CENPP: variants seen among roughly 807,000 people sequenced by gnomAD.
The protein encoded by CENPP is centromere protein P.
In CENPP, 24 loss-of-function variants were observed where a neutral mutation model predicts 35.6. That is an observed-to-expected ratio of 0.67 (90% CI 0.49 to 0.95). The LOEUF is 0.95. CENPP is among the 40% of genes least tolerant of loss of function. The pLI, the probability that CENPP is intolerant of heterozygous loss-of-function variation, is 0.00. For missense variants in CENPP, 332 were observed against 345.3 expected (o/e 0.96, Z 0.31); for synonymous variants, 120 against 125.5 (o/e 0.96, Z 0.29).
intron 5 of CENPP, among the ~76,000 whole-genome samples, chr9:92,549,035 T>A (rs796764558): frequency 3.3e-5 from 5 of 152,264 alleles, no homozygotes; most frequent in African/African-American, 9.6e-5. Flanking sequence ...TTGGTAGTGA[T>A]AGAAGGATAA....
intron 5 of CENPP, among the ~76,000 whole-genome samples, chr9:92,528,372 G>T (rs2094281): frequency 3.3e-5 from 5 of 151,518 alleles, no homozygotes; most frequent in Admixed American, 1.3e-4. Flanking sequence ...GGAAATCTGA[G>T]GACACCAAAG....
chr9:92,610,920 C>T (rs1358390026), intron 5 of CENPP: 11 of 227,528 alleles, frequency 4.8e-5, no homozygotes, highest in African/African-American at 9.3e-5. Flanking sequence ...AGCTGCTTTC[C>T]AGCAAAGAGC....
chr9:92,590,298 T>C (rs1000759473), intron 5 of CENPP, among the ~76,000 whole-genome samples: 3 of 152,258 alleles, frequency 2.0e-5, no homozygotes, highest in African/African-American at 7.2e-5. Context: ...TATAAGACAC[T>C]ATAAAACACA....
At chr9:92,418,311 T>G (rs1312921998) in intron 5 of CENPP, among the ~76,000 whole-genome samples, 1 of 151,712 alleles carries the variant, frequency 6.6e-6, no homozygotes, top group Non-Finnish European at 1.5e-5. Flanking sequence ...GGTCTCTAAC[T>G]CCTGACCTCA....
intron 5 of CENPP, chr9:92,465,063 T>C: frequency 2.1e-6 from 3 of 1,401,194 alleles, no homozygotes; most frequent in African/African-American, 1.4e-5. Flanking sequence ...TTAGCACACA[T>C]AGGTTGTATA....
At chr9:92,352,188 G>A (rs1468809399) in intron 4 of CENPP, among the ~76,000 whole-genome samples, 1 of 150,636 alleles carries the variant, frequency 6.6e-6, no homozygotes, top group African/African-American at 2.4e-5. Context: ...TGGCAAACAT[G>A]GAGAAACCCT....
chr9:92,544,562 G>A (rs1075397), intron 5 of CENPP, among the ~76,000 whole-genome samples: 65,166 of 151,110 alleles, frequency 0.43, 16,694 homozygotes, highest in African/African-American at 0.72. Context: ...TTTATCATGA[G>A]AGGGTGTTGA....
At chr9:92,383,528 C>T (rs1842317203) in intron 5 of CENPP, among the ~76,000 whole-genome samples, 1 of 151,702 alleles carries the variant, frequency 6.6e-6, no homozygotes, top group African/African-American at 2.4e-5. Flanking sequence ...TTATTAGTGT[C>T]AAGAATGAAA....
chr9:92,359,598 G>GAAAATGAAGGTGGGAAAAAAA (rs1431734218), intron 4 of CENPP, among the ~76,000 whole-genome samples: 1 of 152,070 alleles, frequency 6.6e-6, no homozygotes, highest in Non-Finnish European at 1.5e-5. Flanking sequence ...GGGAAATGAA[G>GAAAATGAAGGTGGGAAAAAAA]AAAATGAAGG....
Position 92,593,299 on chromosome 9 carries a change from C to T in CENPP, c.565-18015C>T, listed in dbSNP as rs1449483833. The stretch of plus-strand genomic sequence containing the variant: ...AGAAAAACAGACTTCTGACAGACCA[C>T]CGTGGCATCACACACAGGAGATACT... On this transcript the variant is annotated intron_variant, in intron 5 of 7. Coordinates refer to ENST00000375587, the MANE Select transcript of CENPP (RefSeq NM_001012267.3). The surrounding 1 kb of genome is among the most constrained non-coding windows in gnomAD (Gnocchi z 4.1). Among the ~76,000 whole-genome samples the T allele has an allele frequency of 1.3e-5, 2 of 152,222 alleles. No homozygotes were observed. The highest frequency in any genetic ancestry group is 2.9e-5 in the Non-Finnish European group (2 of 68,038).
At chr9:92,568,931 TG>T (rs1351791222) in intron 5 of CENPP, among the ~76,000 whole-genome samples, 2 of 152,240 alleles carry the variant, frequency 1.3e-5, no homozygotes, top group African/African-American at 4.8e-5. Context: ...TTGATGGGGT[TG>T]TTTTTTTCTT....
At chr9:92,581,507 C>A (rs1850424765) in intron 5 of CENPP, among the ~76,000 whole-genome samples, 1 of 152,144 alleles carries the variant, frequency 6.6e-6, no homozygotes, top group South Asian at 2.1e-4. Context: ...AAACTCTGAT[C>A]CTTCAACAGC....
intron 5 of CENPP, among the ~76,000 whole-genome samples, chr9:92,422,547 G>A (rs1843838885): frequency 6.6e-6 from 1 of 152,128 alleles, no homozygotes; most frequent in Admixed American, 6.5e-5. Context: ...TCTGCTTTCC[G>A]CCTTTGTGAG....
chr9:92,409,749 A>G (rs560436096), intron 5 of CENPP, among the ~76,000 whole-genome samples: 1 of 152,374 alleles, frequency 6.6e-6, no homozygotes, highest in South Asian at 2.1e-4. Flanking sequence ...ACTTGGTAGT[A>G]TAATGAGAAA....
At chr9:92,595,444 G>C (rs1426229016) in intron 5 of CENPP, among the ~76,000 whole-genome samples, 1 of 151,988 alleles carries the variant, frequency 6.6e-6, no homozygotes, top group African/African-American at 2.4e-5. Context: ...ATCTTACCTT[G>C]TTGCCCAAGC....
chr9:92,526,090 C>G (rs918009485), intron 5 of CENPP, among the ~76,000 whole-genome samples: 3 of 151,988 alleles, frequency 2.0e-5, no homozygotes, highest in African/African-American at 2.4e-5. Flanking sequence ...GGAGGTATTT[C>G]AGAAGAAGGC....
intron 5 of CENPP, among the ~76,000 whole-genome samples, chr9:92,572,514 T>C (rs1260064389): frequency 1.3e-5 from 2 of 152,184 alleles, no homozygotes; most frequent in African/African-American, 2.4e-5. Flanking sequence ...CTCTGGCTGC[T>C]CTTAACATTT....
chr9:92,526,777 TA>T (rs556343494), intron 5 of CENPP, among the ~76,000 whole-genome samples: 28 of 152,114 alleles, frequency 1.8e-4, no homozygotes, highest in South Asian at 8.3e-4. Flanking sequence ...ATTGAAGAAA[TA>T]AAAAAACTTT....
At chr9:92,572,178 T>C (rs555720621) in intron 5 of CENPP, among the ~76,000 whole-genome samples, 15 of 152,330 alleles carry the variant, frequency 9.8e-5, no homozygotes, top group African/African-American at 3.4e-4. Context: ...AGTTTCTTCC[T>C]AGCATTGATG....
Sources: gnomAD v4.1 joint callset for allele counts (sites outside exome capture counted in the v4.1 genomes callset) on GRCh38, gnomAD v4.1.1 for gene constraint, Gnocchi (gnomAD v3.1) non-coding constraint, MANE v1.5 for transcripts, NCBI Gene and HGNC (gene_info 2026-07-23, HGNC 2026-07-21) for gene names.